ZNF106: variants seen among roughly 807,000 people sequenced by gnomAD.
ZNF106 encodes SH3-domain binding protein 3.
In ZNF106, 67 loss-of-function variants were observed where a neutral mutation model predicts 195.1. The ratio of observed to expected loss-of-function variants is 0.34; its 90% CI spans 0.28 to 0.42. The LOEUF (loss-of-function observed/expected upper bound fraction) is 0.42. ZNF106 is among the 10% of genes least tolerant of loss of function. ZNF106 has a pLI of 1.00. For missense variants in ZNF106, 2,118 were observed against 2,304.5 expected (o/e 0.92, Z 1.66); for synonymous variants, 784 against 818.6 (o/e 0.96, Z 0.72).
Position 42,450,108 on chromosome 15 carries a change from A to T in ZNF106, c.2164T>A (p.Leu722Met). 1 of 1,614,204 alleles carries T rather than the reference A, an allele frequency of 6.2e-7. No homozygotes were observed. ...YETEGFESAS[L>M]DAELQKSDIS... ...TCACTTTTTTGAAGCTCTGCATCCAAGCTAGCACTCTCAAAGCCTTCTGTT... is the reference window on the plus strand; with the variant it reads ...TCACTTTTTTGAAGCTCTGCATCCATGCTAGCACTCTCAAAGCCTTCTGTT... Residue 722 changes from leucine (L) to methionine (M), a missense_variant, in exon 5 of 22, where the codon TTG becomes ATG. Leu to Met is a conservative substitution (Grantham distance 15, BLOSUM62 2). Coordinates refer to ENST00000564754, the MANE Select transcript of ZNF106 (RefSeq NM_001366845.3).
In ZNF106 at chr15:42,477,772, C is replaced by A. The variant is rs560754694; in HGVS notation, c.-32-5451G>T. ...GGGCTTGATGGCAAGCACCTGTAATCCCAGCTACTCGGGAGGCTGAGGCAG... is the reference window on the plus strand; with the variant it reads ...GGGCTTGATGGCAAGCACCTGTAATACCAGCTACTCGGGAGGCTGAGGCAG... On this transcript the variant is annotated intron_variant, in intron 1 of 21. Transcript: ENST00000564754. Among the ~76,000 whole-genome samples, 6 of 152,130 alleles carry A rather than the reference C, an allele frequency of 3.9e-5. No individual in the cohort carries two copies. In the South Asian group the frequency reaches 8.3e-4, roughly 21 times the overall value.
Position 42,450,201 on chromosome 15 carries a change from G to A in ZNF106, c.2071C>T (p.Leu691=). 2 of 1,614,194 alleles carry A rather than the reference G, an allele frequency of 1.2e-6. No homozygotes were observed. Among genetic ancestry groups the A allele is most frequent in the Non-Finnish European group, 1.7e-6 (2 of 1,180,038 alleles). ...SAASPHPGLL[L]DLKTSLEDAQ... is the part of the protein sequence containing the mutation. ...TCTTCTAGAGAGGTTTTCAAGTCTAGCAATAAGCCAGGGTGTGGACTGGCT... is the reference window on the plus strand; with the variant it reads ...TCTTCTAGAGAGGTTTTCAAGTCTAACAATAAGCCAGGGTGTGGACTGGCT... Residue 691 remains leucine (L), a synonymous_variant, in exon 5 of 22, where the codon CTA becomes TTA. Transcript: ENST00000564754.
intron 3 of ZNF106, among the ~76,000 whole-genome samples, chr15:42,459,049 G>A (rs1003298647): frequency 5.9e-5 from 9 of 152,056 alleles, no homozygotes; most frequent in Non-Finnish European, 8.8e-5. Flanking sequence ...TCATTTTAAT[G>A]TGCTCTGACC....
At chr15:42,431,031 T>C (rs1379127683) in intron 14 of ZNF106, among the ~76,000 whole-genome samples, 1 of 152,084 alleles carries the variant, frequency 6.6e-6, no homozygotes, top group East Asian at 1.9e-4. Context: ...AGCAGTGCTT[T>C]AGCTGCATCC....
chr15:42,467,460 C>A (rs2056546872), intron 2 of ZNF106, among the ~76,000 whole-genome samples: 1 of 152,088 alleles, frequency 6.6e-6, no homozygotes, highest in South Asian at 2.1e-4. Context: ...TTATTATATG[C>A]CAAGAATAGA....
At chr15:42,436,245 GC>G (rs2055269819) in intron 13 of ZNF106, among the ~76,000 whole-genome samples, 1 of 152,142 alleles carries the variant, frequency 6.6e-6, no homozygotes, top group African/African-American at 2.4e-5. Context: ...GAGCCACTGT[GC>G]CCGGCCACTG....
chr15:42,459,682 T>C (rs2056339699), intron 3 of ZNF106, among the ~76,000 whole-genome samples: 2 of 152,120 alleles, frequency 1.3e-5, no homozygotes, highest in African/African-American at 4.8e-5. Flanking sequence ...CTGAGGACTA[T>C]AACAAATCTA....
At position 42,417,305 on chromosome 15, in the gene ZNF106, CATG is replaced by C; in HGVS notation, c.5717_5719del (p.Ser1906del). On this transcript the variant is annotated inframe_deletion, in exon 22 of 22. Transcript: ENST00000564754. ...TCCCAACGTGGGAGGCAAAAAACTT[CATG>C]AATCAATTTTGCTGTCATCTTCAGC... 6.2e-7 allele frequency: 1 copy of C among 1,614,066 alleles called. No individual in the cohort carries two copies. The highest frequency in any genetic ancestry group is 8.5e-7 in the Non-Finnish European group (1 of 1,179,986).
chr15:42,431,861 G>A (rs890449538), intron 14 of ZNF106, among the ~76,000 whole-genome samples: 13 of 151,866 alleles, frequency 8.6e-5, no homozygotes, highest in African/African-American at 2.2e-4. Flanking sequence ...TGATCCACCC[G>A]CCTCAGCCTC....
intron 3 of ZNF106, among the ~76,000 whole-genome samples, chr15:42,457,909 T>C (rs2056284633): frequency 6.6e-6 from 1 of 152,212 alleles, no homozygotes; most frequent in African/African-American, 2.4e-5. Context: ...CTTTTTTGCT[T>C]TGTTTTGTTT....
chr15:42,413,722 G>A lies in ZNF106; in HGVS notation c.*3582C>T, dbSNP rs2054347291. On this transcript the variant is annotated 3_prime_UTR_variant, in exon 22 of 22. Transcript: ENST00000564754. ...CCTCTAAATTAAAGGTAAGTCAGGA[G>A]CTGAACACTCAACTGTTAACTCTTC... The A allele has an allele frequency of 6.6e-6, 1 of 152,614 alleles. No individual in the cohort carries two copies. The highest frequency in any genetic ancestry group is 2.1e-4 in the South Asian group (1 of 4,834). 9.5% of individuals were successfully genotyped at this position (152,614 alleles called of 1,614,324 possible). A position where few individuals can be genotyped will look rare whatever the true frequency, so the allele number is the denominator to read the frequency against.
At position 42,445,031 on chromosome 15, in the gene ZNF106, C is replaced by T. The variant is rs754834396; in HGVS notation, c.3206-50G>A. ...AGGTTAATACGAGAGATTTCCCTCT[C>T]ATCACACAGCTCAGAAGACTAAACT... On this transcript the variant is annotated intron_variant, in intron 7 of 21. Transcript: ENST00000564754. 1.1e-4 allele frequency: 178 copies of T among 1,604,368 alleles called. 1 individual carries two copies. The highest frequency in any genetic ancestry group is 8.2e-4 in the Admixed American group (49 of 59,422).
chr15:42,446,792 G>T, intron 6 of ZNF106, 134 bp from the exon 7 acceptor site: 1 of 767,368 alleles, frequency 1.3e-6, no homozygotes, highest in Non-Finnish European at 2.1e-6. Context: ...GATCGTAGAA[G>T]TCTCACGCAC....
chr15:42,460,336 A>G (rs2056358717), intron 3 of ZNF106, among the ~76,000 whole-genome samples: 1 of 152,262 alleles, frequency 6.6e-6, no homozygotes, highest in South Asian at 2.1e-4. Flanking sequence ...CAAAATATTA[A>G]GGAATGTCGT....
At chr15:42,481,357 GTTTTTTT>G (rs751618549) in intron 1 of ZNF106, among the ~76,000 whole-genome samples, 1 of 109,160 alleles carries the variant, frequency 9.2e-6, no homozygotes, top group African/African-American at 3.4e-5. Context: ...TTTTTTTGTT[GTTTTTTT>G]TTTTTTTTTT....
At chr15:42,462,336 G>A (rs537282649) in intron 3 of ZNF106, among the ~76,000 whole-genome samples, 3 of 152,268 alleles carry the variant, frequency 2.0e-5, no homozygotes, top group East Asian at 3.9e-4. Context: ...GGTGGCTCAC[G>A]CCTGTAATCC....
At chr15:42,449,744 A>G in intron 5 of ZNF106, 27 bp downstream of exon 5, 1 of 1,573,528 alleles carries the variant, frequency 6.4e-7, no homozygotes, top group South Asian at 1.2e-5. Flanking sequence ...AGTGAGGAAA[A>G]AAAAGACACC....
At chr15:42,458,674 C>A (rs2141382705) in intron 3 of ZNF106, among the ~76,000 whole-genome samples, 2 of 151,512 alleles carry the variant, frequency 1.3e-5, no homozygotes, top group East Asian at 3.9e-4. Flanking sequence ...CACCACTGCA[C>A]TCCAGCCTGG....
intron 7 of ZNF106, among the ~76,000 whole-genome samples, chr15:42,445,275 A>G (rs1268529829): frequency 6.6e-6 from 1 of 152,164 alleles, no homozygotes; most frequent in Non-Finnish European, 1.5e-5. Context: ...TGTCCCATGC[A>G]AACCACCTGT....
Sources: gnomAD v4.1 joint callset for allele counts (sites outside exome capture counted in the v4.1 genomes callset) on GRCh38, gnomAD v4.1.1 for gene constraint, MANE v1.5 for transcripts, NCBI Gene and HGNC (gene_info 2026-07-23, HGNC 2026-07-21) for gene names.